Variants in SLC17A2 observed in about 807,000 individuals in gnomAD.
SLC17A2 encodes solute carrier family 17 member 2, also known as sodium-dependent phosphate transport protein 3.
A neutral mutation model predicts 52.1 loss-of-function variants in SLC17A2; 38 were observed. The ratio of observed to expected loss-of-function variants is 0.73; its 90% confidence interval spans 0.56 to 0.96. The LOEUF (loss-of-function observed/expected upper bound fraction) is 0.96, where lower values mean the gene tolerates loss of function less well. Ranked by LOEUF, SLC17A2 falls within the 40% of genes least tolerant of loss-of-function variation. The pLI, the probability that SLC17A2 is intolerant of heterozygous loss-of-function variation, is 0.00. For synonymous variants in SLC17A2, 226 were observed against 211.9 expected (o/e 1.07, Z -0.58); for missense variants, 508 against 583.9 (o/e 0.87, Z 1.34).
intron 1 of SLC17A2, 120 bp from the exon 2 acceptor site, chr6:25,925,999 G>A: frequency 1.6e-6 from 1 of 620,328 alleles, no homozygotes; most frequent in Non-Finnish European, 2.9e-6. Flanking sequence ...ACATTTTATG[G>A]GGCACTACTG....
At chr6:25,920,968 A>G (rs1238221602) in intron 5 of SLC17A2, 38 bp downstream of exon 5, 1 of 1,566,164 alleles carries the variant, frequency 6.4e-7, no homozygotes, top group Non-Finnish European at 8.8e-7. Context: ...GTGGGATGGA[A>G]CAGATGACAA....
Position 25,915,751 on chromosome 6 carries a change from G to A in SLC17A2, c.1048C>T (p.Leu350Phe), listed in dbSNP as rs747552281. The A allele has an allele frequency of 2.5e-6, 4 of 1,614,008 alleles. No homozygotes were observed. Among genetic ancestry groups the A allele is most frequent in the Admixed American group, 3.3e-5 (2 of 59,988 alleles). ...NLLRLITVRK[L>F]FSSLGLLLPS... The stretch of plus-strand genomic sequence containing the variant: ...TTATCCTTACCAAGAGATGAAAAGA[G>A]CTTTCGCACAGTGATCAATCTGAGA... Residue 350 changes from leucine to phenylalanine, a missense_variant, in exon 9 of 12, where the codon CTC (leucine) becomes TTC (phenylalanine). Transcript: ENST00000377850.
Position 25,918,495 on chromosome 6 carries a change from T to G in SLC17A2, c.641A>C (p.Tyr214Ser). The G allele has an allele frequency of 6.2e-7, 1 of 1,611,252 alleles. No homozygotes were observed. The highest frequency in any genetic ancestry group is 8.5e-7 in the Non-Finnish European group (1 of 1,177,472). ...AAGAGAAAGTGACTCACCAAAGATG[T>G]AGAAGATAAAAGGCCAGCTCAAGGC... Reference protein sequence around the residue: ...SQALSWPFIFYIFGSTGCVCC... With the variant: ...SQALSWPFIFSIFGSTGCVCC... The change falls in exon 6 of 12, where the codon TAC becomes TCC. Residue 214 changes from tyrosine (Y) to serine (S), a missense_variant. Coordinates refer to ENST00000377850, the MANE Select transcript of SLC17A2 (RefSeq NM_001286123.3).
intron 1 of SLC17A2, among the ~76,000 whole-genome samples, chr6:25,928,734 T>C (rs1233411102): frequency 1.3e-5 from 2 of 152,194 alleles, no homozygotes; most frequent in Non-Finnish European, 2.9e-5. Flanking sequence ...AACACTGGCA[T>C]GGTTGATATG....
chr6:25,913,296 T>G lies in SLC17A2; in HGVS notation c.*21A>C. The G allele has an allele frequency of 6.2e-7, 1 of 1,613,996 alleles. No individual in the cohort carries two copies. The highest frequency in any genetic ancestry group is 8.5e-7 in the Non-Finnish European group (1 of 1,179,842). On this transcript the variant is annotated 3_prime_UTR_variant, in exon 12 of 12. Transcript: ENST00000377850. ...AAAAGTTCATGCTCAGTACCACATT[T>G]AAGTTTGTAACTTTATGTCCTCAGA...
chr6:25,919,699 C>CAAAAAAAAAGAAAAAA (rs1766474252), intron 5 of SLC17A2, among the ~76,000 whole-genome samples: 1 of 31,144 alleles, frequency 3.2e-5, no homozygotes, highest in Non-Finnish European at 6.2e-5. Flanking sequence ...GACACCGTCT[C>CAAAAAAAAAGAAAAAA]AAAAAAAAAA....
intron 1 of SLC17A2, 77 bp from the exon 2 acceptor site, chr6:25,925,956 TA>T (rs1766749793): frequency 3.8e-6 from 3 of 780,096 alleles, no homozygotes. Context: ...TTAGCATCAG[TA>T]AAAGTTTTGA....
chr6:25,928,100 C>T (rs1766826971), intron 1 of SLC17A2, among the ~76,000 whole-genome samples: 1 of 152,062 alleles, frequency 6.6e-6, no homozygotes, highest in African/African-American at 2.4e-5. Context: ...TCCTCTGGCC[C>T]AACTGTTTAT....
Position 25,915,825 on chromosome 6 carries a change from C to CA in SLC17A2, c.973dup (p.Cys325LeufsTer64). On this transcript the variant is annotated frameshift_variant, in exon 9 of 12. Transcript: ENST00000377850. LOFTEE classifies it high-confidence loss of function. ...TGCCAGCTGACCTCCTAAAATTGTA[C>CA]AGCTTGCAGCAGCAATAAAAGGCAG... is the stretch of plus-strand genomic sequence containing the variant. 6.2e-7 allele frequency: 1 copy of CA among 1,614,118 alleles called. No individual in the cohort carries two copies. Among genetic ancestry groups the CA allele is most frequent in the Non-Finnish European group, 8.5e-7 (1 of 1,179,998 alleles).
Position 25,916,774 on chromosome 6 carries a change from C to T in SLC17A2, c.841G>A (p.Gly281Ser). The T allele has an allele frequency of 6.2e-7, 1 of 1,613,998 alleles. No individual in the cohort carries two copies. The highest frequency in any genetic ancestry group is 1.1e-5 in the South Asian group (1 of 91,068). The part of the protein sequence containing the change: ...TCLPLWAIFL[G>S]FFSHFWLCTI... ...CACAACCAGAAATGGCTGAAAAAACCCAGGAAAATGGCCCAAAGTGGTAGG... is the reference window on the plus strand; with the variant it reads ...CACAACCAGAAATGGCTGAAAAAACTCAGGAAAATGGCCCAAAGTGGTAGG... The change falls in exon 8 of 12, where the codon GGT (glycine) becomes AGT (serine). Residue 281 changes from glycine to serine, a missense_variant. Transcript: ENST00000377850.
Position 25,914,576 on chromosome 6 carries a change from C to T in SLC17A2, c.1302+4G>A. 3 of 1,599,942 alleles carry T rather than the reference C, an allele frequency of 1.9e-6. No homozygotes were observed. The highest frequency in any genetic ancestry group is 2.6e-6 in the Non-Finnish European group (3 of 1,167,024). ...CTTGAAGATGTTCAATAAACTGGCC[C>T]AACCTGACTGATGAGGAATCCAGTG... is the stretch of plus-strand genomic sequence containing the variant. On this transcript the variant is annotated splice_donor_region_variant and intron_variant, in intron 11 of 11. Coordinates refer to ENST00000377850, the MANE Select transcript of SLC17A2 (RefSeq NM_001286123.3).
In SLC17A2 at chr6:25,918,556, A is replaced by C. The variant is rs781239859; in HGVS notation, c.580T>G (p.Phe194Val). Residue 194 changes from phenylalanine (F) to valine (V), a missense_variant, in exon 6 of 12, where the codon TTC (phenylalanine) becomes GTC (valine). By Grantham distance (50) the Phe-to-Val change is conservative. Transcript: ENST00000377850. ...AGTCCCCCCACACAGAGGATGATGA[A>C]GGATCCAAATGCTGACCCTAAAGGA... ...IAGSGSAFGSFIILCVGGLIS... is the reference protein window; with the variant it reads ...IAGSGSAFGSVIILCVGGLIS... 1.2e-6 allele frequency: 2 copies of C among 1,612,908 alleles called. No individual in the cohort carries two copies. The highest frequency in any genetic ancestry group is 1.7e-6 in the Non-Finnish European group (2 of 1,178,896).
At chr6:25,914,525 T>C in intron 11 of SLC17A2, 55 bp downstream of exon 11, 1 of 1,126,422 alleles carries the variant, frequency 8.9e-7, no homozygotes, top group Non-Finnish European at 1.4e-6. Context: ...CGTGTGTATC[T>C]CCAACACCTA....
chr6:25,922,046 T>A (rs1581568780), intron 3 of SLC17A2, among the ~76,000 whole-genome samples: 1 of 150,866 alleles, frequency 6.6e-6, no homozygotes, highest in Non-Finnish European at 1.5e-5. Context: ...AAATAAAAAA[T>A]AAAATAGATT....
intron 3 of SLC17A2, 117 bp downstream of exon 3, chr6:25,923,578 G>T: frequency 1.3e-6 from 1 of 761,626 alleles, no homozygotes; most frequent in Non-Finnish European, 2.2e-6. Flanking sequence ...AATAGTTCCA[G>T]TCAGTTTTAA....
At chr6:25,926,208 A>G (rs1442799753) in intron 1 of SLC17A2, among the ~76,000 whole-genome samples, 3 of 152,148 alleles carry the variant, frequency 2.0e-5, no homozygotes, top group African/African-American at 7.2e-5. Context: ...AAGCATGCGA[A>G]GGTGAAGAGT....
chr6:25,919,323 A>C (rs1766449746), intron 5 of SLC17A2, among the ~76,000 whole-genome samples: 1 of 152,150 alleles, frequency 6.6e-6, no homozygotes, highest in African/African-American at 2.4e-5. Flanking sequence ...CCAAACTGAA[A>C]TTTGAAAAAA....
At position 25,913,382 on chromosome 6, in the gene SLC17A2, A is replaced by T; in HGVS notation, c.1372T>A (p.Tyr458Asn). ...AAVNMFGLVF[Y>N]LTFGQAELQD... ...AGTTCTGCTTGTCCAAACGTGAGGT[A>T]AAAGACCAGGCCAAACATGTTGACT... is the stretch of plus-strand genomic sequence containing the variant. The change falls in exon 12 of 12, where the codon TAC (tyrosine) becomes AAC (asparagine). Residue 458 changes from tyrosine (Y) to asparagine (N), a missense_variant. Tyr to Asn is a moderately radical substitution (Grantham distance 143). Coordinates refer to ENST00000377850, the MANE Select transcript of SLC17A2 (RefSeq NM_001286123.3). The T allele has an allele frequency of 6.2e-7, 1 of 1,614,110 alleles. No homozygotes were observed.
chr6:25,928,275 T>A (rs765100659), intron 1 of SLC17A2, among the ~76,000 whole-genome samples: 22 of 152,072 alleles, frequency 1.4e-4, no homozygotes, highest in Non-Finnish European at 2.4e-4. Flanking sequence ...TAAAACTCAA[T>A]GGGGTAGCTC....
Sources: allele counts gnomAD v4.1 joint callset (sites outside exome capture counted in the v4.1 genomes callset), GRCh38; gene constraint gnomAD v4.1.1; transcripts MANE v1.5; gene names NCBI Gene and HGNC (gene_info 2026-07-23, HGNC 2026-07-21).